Variants in TNKS2 observed in about 807,000 individuals in gnomAD.
TNKS2 encodes the protein poly [ADP-ribose] polymerase tankyrase-2.
A neutral mutation model predicts 137.6 loss-of-function variants in TNKS2; 72 were observed. That is an observed-to-expected ratio of 0.52 (90% CI 0.43 to 0.64). The LOEUF (loss-of-function observed/expected upper bound fraction) is 0.64, where lower values mean the gene tolerates loss of function less well. TNKS2 is among the 30% of genes least tolerant of loss of function. The probability of loss-of-function intolerance (pLI) is 0.00; values close to 1 mark genes in which losing one functional copy is unlikely to be tolerated. For synonymous variants in TNKS2, 516 were observed against 512.1 expected (o/e 1.01, Z -0.10); for missense variants, 1,049 against 1,410.2 (o/e 0.74, Z 4.10).
Position 91,833,960 on chromosome 10 carries a change from T to C in TNKS2, c.1383T>C (p.Ile461=), listed in dbSNP as rs1310640022. 3.1e-6 allele frequency: 5 copies of C among 1,613,786 alleles called. No individual in the cohort carries two copies. The highest frequency in any genetic ancestry group is 3.4e-6 in the Non-Finnish European group (4 of 1,179,846). Residue 461 remains isoleucine (I), a synonymous_variant, in exon 12 of 27, where the codon ATT becomes ATC. Transcript: ENST00000371627. ...LLLSYGCDPN[I]ISLQGFTALQ... is the part of the protein sequence containing the mutation. ...TGAGCTATGGGTGTGATCCTAACAT[T>C]ATATCCCTTCAGGGCTTTACTGCTT...
chr10:91,844,456 C>T (rs986175062), intron 16 of TNKS2, among the ~76,000 whole-genome samples: 1 of 152,128 alleles, frequency 6.6e-6, no homozygotes, highest in African/African-American at 2.4e-5. Context: ...CTCTTGTGGC[C>T]TTCTGGGGAA....
At chr10:91,821,402 T>G (rs1265413984) in intron 6 of TNKS2, among the ~76,000 whole-genome samples, 3 of 151,916 alleles carry the variant, frequency 2.0e-5, no homozygotes, top group African/African-American at 7.2e-5. Context: ...AGGAACAAAA[T>G]TGGTGCTCAG....
At chr10:91,819,150 C>T in intron 3 of TNKS2, 120 bp from the exon 4 acceptor site, 1 of 593,556 alleles carries the variant, frequency 1.7e-6, no homozygotes, top group Non-Finnish European at 2.8e-6. Context: ...AACTATTTTC[C>T]ATTTATTGGA....
chr10:91,853,757 TGTAA>T (rs1326889027), intron 21 of TNKS2, among the ~76,000 whole-genome samples: 2 of 152,256 alleles, frequency 1.3e-5, no homozygotes, highest in Non-Finnish European at 2.9e-5. Flanking sequence ...CAGCCACTTC[TGTAA>T]GTGTTTATTA....
At chr10:91,826,197 T>C (rs767380147) in intron 7 of TNKS2, among the ~76,000 whole-genome samples, 23 of 152,236 alleles carry the variant, frequency 1.5e-4, no homozygotes, top group Non-Finnish European at 2.5e-4. Flanking sequence ...TTATATAACA[T>C]TTTTAATAAT....
chr10:91,800,896 G>A (rs1011424757), intron 1 of TNKS2, among the ~76,000 whole-genome samples: 1 of 152,120 alleles, frequency 6.6e-6, no homozygotes, highest in African/African-American at 2.4e-5. Context: ...ATCTGTTGTA[G>A]GTAGTGAGTT....
intron 7 of TNKS2, among the ~76,000 whole-genome samples, chr10:91,824,994 G>A (rs1158962595): frequency 6.6e-6 from 1 of 152,080 alleles, no homozygotes; most frequent in African/African-American, 2.4e-5. Flanking sequence ...GAATAGTATT[G>A]CAAGCAATAT....
chr10:91,831,514 G>T (rs1845246319), intron 11 of TNKS2, among the ~76,000 whole-genome samples: 1 of 152,002 alleles, frequency 6.6e-6, no homozygotes, highest in Non-Finnish European at 1.5e-5. Context: ...ATTCTTGGTT[G>T]TCATGATAAC....
intron 22 of TNKS2, 36 bp downstream of exon 22, chr10:91,855,162 A>AT (rs1192613100): frequency 7.9e-7 from 1 of 1,267,372 alleles, no homozygotes; most frequent in Non-Finnish European, 1.2e-6. Context: ...GGTTTGCCGT[A>AT]TATATTTAGT....
At chr10:91,822,206 A>G (rs1045155469) in intron 6 of TNKS2, 90 bp from the exon 7 acceptor site, 49 of 994,070 alleles carry the variant, frequency 4.9e-5, no homozygotes, top group Non-Finnish European at 6.8e-5. Context: ...CTATTTAAGT[A>G]TAAGTAATTA....
intron 13 of TNKS2, among the ~76,000 whole-genome samples, chr10:91,839,652 C>G (rs1589678609): frequency 6.6e-6 from 1 of 152,246 alleles, no homozygotes; most frequent in East Asian, 1.9e-4. Flanking sequence ...TACTGAACCA[C>G]CAGCATCAGC....
chr10:91,850,494 G>A (rs955320768), intron 20 of TNKS2, among the ~76,000 whole-genome samples: 9 of 152,074 alleles, frequency 5.9e-5, no homozygotes, highest in African/African-American at 1.9e-4. Flanking sequence ...TGAGGCGGGT[G>A]GATCACCTGA....
chr10:91,844,878 G>GA, intron 16 of TNKS2, 41 bp from the exon 17 acceptor site: 1 of 1,442,642 alleles, frequency 6.9e-7, no homozygotes, highest in Non-Finnish European at 9.6e-7. Context: ...GACTAAAAAA[G>GA]AAAAAACAAG....
At chr10:91,861,638 A>G (rs912117130) in intron 25 of TNKS2, among the ~76,000 whole-genome samples, 4 of 152,208 alleles carry the variant, frequency 2.6e-5, no homozygotes, top group African/African-American at 7.2e-5. Flanking sequence ...AGTTAATTAG[A>G]TATGTGTCCA....
At chr10:91,846,246 T>C (rs538808098) in intron 18 of TNKS2, among the ~76,000 whole-genome samples, 15 of 152,306 alleles carry the variant, frequency 9.8e-5, no homozygotes, top group African/African-American at 4.8e-5. Context: ...CCTCAGAAAA[T>C]GCTGTTACTT....
At chr10:91,851,113 A>G in intron 20 of TNKS2, 103 bp from the exon 21 acceptor site, 1 of 1,394,340 alleles carries the variant, frequency 7.2e-7, no homozygotes. Context: ...TGTTTAAAAT[A>G]ATCTGGAGTA....
rs1842798797 is a variant in TNKS2, at chr10:91,859,585, A to G, written c.3218A>G (p.Tyr1073Cys). The G allele has an allele frequency of 6.2e-7, 1 of 1,613,910 alleles. No individual in the cohort carries two copies. Among genetic ancestry groups the G allele is most frequent in the Non-Finnish European group, 8.5e-7 (1 of 1,179,964 alleles). The change falls in exon 25 of 27, where the codon TAT becomes TGT. Residue 1073 changes from tyrosine to cysteine, a missense_variant. This residue lies in a region of TNKS2 where 133 missense variants were observed against 248.4 expected (regional missense o/e 0.54). Transcript: ENST00000371627. Reference protein sequence around the residue: ...ENSSKSNQYVYGIGGGTGCPV... With the variant: ...ENSSKSNQYVCGIGGGTGCPV... ...TCTTCCAAAAGCAATCAATATGTAT[A>G]TGGAATTGGAGGAGGTACTGGGTGT...
In TNKS2 at chr10:91,864,808, A is replaced by T. The variant is rs1842936333; in HGVS notation, c.*1809A>T. ...AGCTTCCAGGTTTTATAATTAGAAG[A>T]TAATGAGAGAATTAATGGGGTTTAT... On this transcript the variant is annotated 3_prime_UTR_variant, in exon 27 of 27. Coordinates refer to ENST00000371627, the MANE Select transcript of TNKS2 (RefSeq NM_025235.4). 6.6e-6 allele frequency: 1 copy of T among 152,624 alleles called. No homozygotes were observed. The highest frequency in any genetic ancestry group is 6.5e-5 in the Admixed American group (1 of 15,272). The allele number at this position is 152,624 out of a possible 1,614,324, so 9.5% of individuals were successfully genotyped here.
At chr10:91,799,376 A>G (rs1844082704) in intron 1 of TNKS2, among the ~76,000 whole-genome samples, 1 of 152,224 alleles carries the variant, frequency 6.6e-6, no homozygotes, top group Non-Finnish European at 1.5e-5. Flanking sequence ...ACGTTGACAC[A>G]TTAGCGTTAA....
Sources: allele counts gnomAD v4.1 joint callset (sites outside exome capture counted in the v4.1 genomes callset), GRCh38; gene constraint gnomAD v4.1.1; regional missense constraint gnomAD v4.1.1; transcripts MANE v1.5; gene names NCBI Gene and HGNC (gene_info 2026-07-23, HGNC 2026-07-21).